Variants in ADAMTS17 observed in about 807,000 individuals in gnomAD.
ADAMTS17 encodes ADAM metallopeptidase with thrombospondin type 1 motif 17.
In ADAMTS17, 113 loss-of-function variants were observed where a neutral mutation model predicts 141.5. That is an observed-to-expected ratio of 0.80 (90% CI 0.69 to 0.93). The LOEUF (loss-of-function observed/expected upper bound fraction) is 0.93. Ranked by LOEUF, ADAMTS17 falls within the 40% of genes least tolerant of loss-of-function variation. The pLI is 0.00. For missense variants in ADAMTS17, 1,659 were observed against 1,517.9 expected (o/e 1.09, Z -1.54); for synonymous variants, 768 against 630.6 (o/e 1.22, Z -3.27).
intron 3 of ADAMTS17, among the ~76,000 whole-genome samples, chr15:100,314,934 C>T (rs1383243131): frequency 2.0e-5 from 3 of 152,176 alleles, no homozygotes; most frequent in Admixed American, 2.0e-4. Context: ...AGGAGCCGAC[C>T]GTCCCTGGAG....
intron 8 of ADAMTS17, among the ~76,000 whole-genome samples, chr15:100,184,744 G>A (rs960617774): frequency 7.9e-5 from 12 of 152,218 alleles, no homozygotes; most frequent in African/African-American, 2.4e-4. Context: ...CCTTCCCTCC[G>A]TCCATCATGC....
At chr15:100,042,938 T>C (rs1036009234) in intron 18 of ADAMTS17, among the ~76,000 whole-genome samples, 3 of 152,196 alleles carry the variant, frequency 2.0e-5, no homozygotes, top group Admixed American at 1.3e-4. Flanking sequence ...ATAATACATA[T>C]ATATATGTAT....
intron 15 of ADAMTS17, among the ~76,000 whole-genome samples, chr15:100,084,824 A>T (rs2034993117): frequency 6.6e-6 from 1 of 152,232 alleles, no homozygotes; most frequent in Non-Finnish European, 1.5e-5. Flanking sequence ...AAGGACATCC[A>T]CACCAAAAAC....
intron 15 of ADAMTS17, among the ~76,000 whole-genome samples, chr15:100,087,558 T>A (rs1432244021): frequency 6.6e-6 from 1 of 152,104 alleles, no homozygotes; most frequent in Non-Finnish European, 1.5e-5. Flanking sequence ...TAGACCAATA[T>A]CCTTGATGAA....
chr15:100,139,481 C>G (rs12916724), intron 10 of ADAMTS17, among the ~76,000 whole-genome samples: 142,558 of 152,282 alleles, frequency 0.94, 67,423 homozygotes, highest in East Asian at 1. Context: ...TAAAGATCTT[C>G]TATTGTACAA....
At chr15:100,295,069 A>T (rs2044763474) in intron 3 of ADAMTS17, among the ~76,000 whole-genome samples, 1 of 152,120 alleles carries the variant, frequency 6.6e-6, no homozygotes, top group African/African-American at 2.4e-5. Flanking sequence ...GAAAAATAGT[A>T]AGACATGTGG....
intron 3 of ADAMTS17, among the ~76,000 whole-genome samples, chr15:100,314,772 C>T (rs896620118): frequency 6.6e-6 from 1 of 152,154 alleles, no homozygotes; most frequent in Non-Finnish European, 1.5e-5. Flanking sequence ...ATGGACAGTG[C>T]CTGCAGCCAG....
At position 100,164,347 on chromosome 15, in the gene ADAMTS17, T is replaced by C. The variant is rs563809639; in HGVS notation, c.1182-9027A>G. Among the ~76,000 whole-genome samples the C allele has an allele frequency of 1.8e-4, 27 of 152,100 alleles. 1 individual carries two copies. In the East Asian group the frequency reaches 3.5e-3, roughly 20 times the overall value. ...TGAGAAAGAAACATACCTCTGAGCC[T>C]TAGTTTCCTCATCTATGACTAAACA... On this transcript the variant is annotated intron_variant, in intron 8 of 21. Transcript: ENST00000268070.
At chr15:100,226,410 G>A (rs1282905474) in intron 7 of ADAMTS17, among the ~76,000 whole-genome samples, 1 of 152,258 alleles carries the variant, frequency 6.6e-6, no homozygotes, top group Non-Finnish European at 1.5e-5. Flanking sequence ...CAAATGTCCA[G>A]GCACATAATC....
In ADAMTS17 at chr15:100,106,774, C is replaced by T. The variant is rs8041815; in HGVS notation, c.2016+2215G>A. ...GTCTGTGGAAGTGTGTAATTTGGGT[C>T]GGACACCAGCCCTGCACTTGGCTGG... is the stretch of plus-strand genomic sequence containing the variant. On this transcript the variant is annotated intron_variant, in intron 14 of 21. Coordinates refer to ENST00000268070, the MANE Select transcript of ADAMTS17 (RefSeq NM_139057.4). Among the ~76,000 whole-genome samples the T allele has an allele frequency of 3.9e-5, 6 of 152,166 alleles. No individual in the cohort carries two copies. In the South Asian group the frequency reaches 1.2e-3, roughly 32 times the overall value.
intron 3 of ADAMTS17, among the ~76,000 whole-genome samples, chr15:100,319,149 G>A (rs1456387707): frequency 1.3e-5 from 2 of 152,248 alleles, no homozygotes; most frequent in Non-Finnish European, 2.9e-5. Flanking sequence ...CTCCCAAAGA[G>A]GGTAGAATAG....
chr15:99,999,544 G>A (rs953733702), intron 18 of ADAMTS17, among the ~76,000 whole-genome samples: 6 of 152,146 alleles, frequency 3.9e-5, no homozygotes, highest in Admixed American at 2.6e-4. Context: ...AGTGAGGAAG[G>A]GGAGAGCGAG....
rs946345663 is a variant in ADAMTS17 at position 100,263,019 on chromosome 15, G to A, written c.790-584C>T. On this transcript the variant is annotated intron_variant, in intron 4 of 21. Coordinates refer to ENST00000268070, the MANE Select transcript of ADAMTS17 (RefSeq NM_139057.4). The stretch of plus-strand genomic sequence containing the variant: ...ACACGTGTGCAAACATACATATACA[G>A]TATGCTTATGTATATAGATAAAGCT... 6.6e-5 allele frequency among the ~76,000 whole-genome samples: 10 copies of A among 152,202 alleles called. 1 individual carries two copies. In the South Asian group the frequency reaches 1.9e-3, roughly 28 times the overall value.
intron 14 of ADAMTS17, 150 bp from the exon 15 acceptor site, chr15:100,096,626 T>C: frequency 9.9e-7 from 1 of 1,009,500 alleles, no homozygotes; most frequent in Non-Finnish European, 1.5e-6. Context: ...ATATTTTAAT[T>C]CAGGAGAGAA....
At chr15:100,101,116 TCTCCCTCTTGC>T (rs769529005) in intron 14 of ADAMTS17, among the ~76,000 whole-genome samples, 42 of 152,112 alleles carry the variant, frequency 2.8e-4, no homozygotes, top group Non-Finnish European at 5.3e-4. Flanking sequence ...AATGCACCCA[TCTCCCTCTTGC>T]TTCCCTCTGC....
At chr15:99,982,083 G>C (rs748817313) in intron 20 of ADAMTS17, among the ~76,000 whole-genome samples, 1 of 152,136 alleles carries the variant, frequency 6.6e-6, no homozygotes, top group Non-Finnish European at 1.5e-5. Context: ...TGCAGCATGA[G>C]GATAACAAAC....
chr15:100,300,730 C>T (rs1341730604), intron 3 of ADAMTS17, among the ~76,000 whole-genome samples: 1 of 152,228 alleles, frequency 6.6e-6, no homozygotes, highest in Admixed American at 6.5e-5. Flanking sequence ...CACATCATCA[C>T]ATGGGCTTTC....
chr15:100,294,561 A>T (rs1227295721), intron 3 of ADAMTS17, among the ~76,000 whole-genome samples: 1 of 151,056 alleles, frequency 6.6e-6, no homozygotes, highest in African/African-American at 2.4e-5. Flanking sequence ...AAAAAAAAAA[A>T]GCTGGGGATG....
At chr15:100,055,055 G>A (rs374327241) in intron 15 of ADAMTS17, among the ~76,000 whole-genome samples, 26 of 151,992 alleles carry the variant, frequency 1.7e-4, no homozygotes, top group East Asian at 3.9e-4. Context: ...AGGAGAAGTC[G>A]GCAGATGACA....
Sources: gnomAD v4.1 joint callset for allele counts (sites outside exome capture counted in the v4.1 genomes callset) on GRCh38, gnomAD v4.1.1 for gene constraint, MANE v1.5 for transcripts, NCBI Gene and HGNC (gene_info 2026-07-23, HGNC 2026-07-21) for gene names.